PCDHGA8: variants seen among roughly 807,000 people sequenced by gnomAD.
The protein encoded by PCDHGA8 is protocadherin gamma-A8.
In PCDHGA8, 45 loss-of-function variants were observed where a neutral mutation model predicts 59.2. The ratio of observed to expected loss-of-function variants is 0.76; its 90% CI spans 0.60 to 0.98. The LOEUF is 0.98. Among genes scored for constraint, PCDHGA8 ranks in the 50% least tolerant of loss-of-function variants. The probability of loss-of-function intolerance (pLI) is 0.00; values close to 1 mark genes in which losing one functional copy is unlikely to be tolerated. For synonymous variants in PCDHGA8, 531 were observed against 519.0 expected, an observed-to-expected ratio of 1.02 and a Z score of -0.32; for missense variants, 1,257 against 1,196.2, an observed-to-expected ratio of 1.05 and a Z score of -0.75.
chr5:141,499,029 A>AAGGAAGGAAGGAAGGAAGG (rs1562187768), intron 2 of PCDHGA8, among the ~76,000 whole-genome samples: 3 of 140,076 alleles, frequency 2.1e-5, no homozygotes, highest in African/African-American at 8.3e-5. Flanking sequence ...AGGAAGGAAG[A>AAGGAAGGAAGGAAGGAAGG]AAAGAAAGAA....
At chr5:141,399,393 CAG>C (rs1335804490) in intron 1 of PCDHGA8, 1 of 1,613,976 alleles carries the variant, frequency 6.2e-7, no homozygotes, top group Non-Finnish European at 8.5e-7. Flanking sequence ...CAGCCACAGA[CAG>C]GGGCAAGCCG....
rs759809591 is a variant in PCDHGA8 at position 141,511,048 on chromosome 5, C to T, written c.2674C>T (p.Arg892Cys). The change falls in exon 4 of 4, where the codon CGC becomes TGC. Residue 892 changes from arginine (R) to cysteine (C), a missense_variant. Coordinates refer to ENST00000398604, the MANE Select transcript of PCDHGA8 (RefSeq NM_032088.2). ...QFTLQHVPDY[R>C]QNVYIPGSNA... ...CACCCTGCAGCACGTGCCCGACTAC[C>T]GCCAGAATGTCTACATCCCAGGCAG... 9 of 1,614,224 alleles carry T rather than the reference C, an allele frequency of 5.6e-6. No individual in the cohort carries two copies. The highest frequency in any genetic ancestry group is 1.7e-5 in the Admixed American group (1 of 60,034).
intron 1 of PCDHGA8, among the ~76,000 whole-genome samples, chr5:141,407,414 C>T (rs1190741475): frequency 6.6e-6 from 1 of 152,156 alleles, no homozygotes; most frequent in Non-Finnish European, 1.5e-5. Flanking sequence ...TTCGATACCA[C>T]AAAAATGTCT....
intron 1 of PCDHGA8, among the ~76,000 whole-genome samples, chr5:141,452,165 C>G (rs917431071): frequency 2.6e-5 from 4 of 152,120 alleles, no homozygotes; most frequent in African/African-American, 9.7e-5. Flanking sequence ...TATTCTATTA[C>G]TAACATTTTT....
At chr5:141,413,729 G>C (rs2095671676) in intron 1 of PCDHGA8, 1 of 1,613,378 alleles carries the variant, frequency 6.2e-7, no homozygotes, top group Non-Finnish European at 8.5e-7. Flanking sequence ...TTCTCCCTAA[G>C]AGTTCAGAGC....
At chr5:141,500,562 T>A (rs2099801387) in intron 2 of PCDHGA8, among the ~76,000 whole-genome samples, 1 of 152,202 alleles carries the variant, frequency 6.6e-6, no homozygotes, top group Admixed American at 6.5e-5. Flanking sequence ...CACAAACTTG[T>A]CACACTTTCA....
rs749415234 is a variant in PCDHGA8 at position 141,419,462 on chromosome 5, C to G, written c.2424+24225C>G. 9 of 1,612,582 alleles carry G rather than the reference C, an allele frequency of 5.6e-6. 1 individual carries two copies. The highest frequency in any genetic ancestry group is 1.7e-5 in the Admixed American group (1 of 59,984). On this transcript the variant is annotated intron_variant, in intron 1 of 3. Transcript: ENST00000398604. ...CACCTTCGAGCTCACGCTGCAGGCC[C>G]GCGACCAGGGCTCGCCCGCGCTCAG... is the stretch of plus-strand genomic sequence containing the variant.
rs2097422953 is a variant in PCDHGA8 at position 141,431,840 on chromosome 5, C to A, written c.2424+36603C>A. The A allele has an allele frequency of 1.9e-6, 3 of 1,614,248 alleles. No homozygotes were observed. The highest frequency in any genetic ancestry group is 1.6e-4 in the Middle Eastern group (1 of 6,062). ...CGCCAGCTCGGTTCCCGAAAACTCT[C>A]CCAGAGGGACATTAATTGCCCTTTT... On this transcript the variant is annotated intron_variant, in intron 1 of 3. Transcript: ENST00000398604. The surrounding 1 kb of genome is among the most constrained non-coding windows in gnomAD (Gnocchi z 4.8).
In PCDHGA8 at chr5:141,511,284, G is replaced by A; in HGVS notation, c.*111G>A. Reference sequence around the variant, plus strand: ...AGGGCTAACCCCCAGAATACTGGTAGGGGCCAAGGCCATGCTCCCCTTGGG... The same window carrying A: ...AGGGCTAACCCCCAGAATACTGGTAAGGGCCAAGGCCATGCTCCCCTTGGG... On this transcript the variant is annotated 3_prime_UTR_variant, in exon 4 of 4. Coordinates refer to ENST00000398604, the MANE Select transcript of PCDHGA8 (RefSeq NM_032088.2). 6.5e-7 allele frequency: 1 copy of A among 1,528,376 alleles called. No individual in the cohort carries two copies. The highest frequency in any genetic ancestry group is 1.4e-5 in the African/African-American group (1 of 72,796). The allele number at this position is 1,528,376 out of a possible 1,614,324, so 94.7% of individuals were successfully genotyped here.
intron 1 of PCDHGA8, chr5:141,399,976 C>CTGCGCACAGGAGAGG: frequency 1.2e-6 from 2 of 1,612,242 alleles, no homozygotes; most frequent in Non-Finnish European, 1.7e-6. Flanking sequence ...CAGCCTGGGG[C>CTGCGCACAGGAGAGG]TGCGCACAGG....
At chr5:141,478,505 T>C (rs1298083274) in intron 1 of PCDHGA8, 3 of 1,612,032 alleles carry the variant, frequency 1.9e-6, no homozygotes, top group Non-Finnish European at 2.5e-6. Context: ...TCCGGTGTTC[T>C]ATAGGCAGGT....
In PCDHGA8 at chr5:141,394,832, C is replaced by G; in HGVS notation, c.2019C>G (p.Thr673=). ...CTGACAGCATCCCCGAAGTCCTGAC[C>G]GAGTTGGGCAGTCTGAAGCCTTCGG... The part of the protein sequence containing the change: ...AVADSIPEVL[T]ELGSLKPSVD... Residue 673 remains threonine, a synonymous_variant, in exon 1 of 4, where the codon ACC becomes ACG. Transcript: ENST00000398604. The G allele has an allele frequency of 1.9e-6, 3 of 1,613,828 alleles. No individual in the cohort carries two copies. The highest frequency in any genetic ancestry group is 2.5e-6 in the Non-Finnish European group (3 of 1,179,968).
rs750804901 is a variant in PCDHGA8 at position 141,476,422 on chromosome 5, C to G, written c.2425-18385C>G. On this transcript the variant is annotated intron_variant, in intron 1 of 3. Coordinates refer to ENST00000398604, the MANE Select transcript of PCDHGA8 (RefSeq NM_032088.2). The surrounding 1 kb of genome is among the most constrained non-coding windows in gnomAD (Gnocchi z 7.6). ...GAGAGGAGCTGTGTGGGACACTGCC[C>G]TCTTGCACTGTAACTCTGGAGTTGG... 17 of 1,614,026 alleles carry G rather than the reference C, an allele frequency of 1.1e-5. No individual in the cohort carries two copies. The highest frequency in any genetic ancestry group is 1.4e-5 in the Non-Finnish European group (17 of 1,180,030).
intron 1 of PCDHGA8, chr5:141,417,116 C>A (rs1407873769): frequency 6.6e-6 from 1 of 151,954 alleles, no homozygotes; most frequent in Non-Finnish European, 1.5e-5. Context: ...ATACAGGACA[C>A]CCTGGATGAT....
chr5:141,427,798 T>A, intron 1 of PCDHGA8: 1 of 1,506,550 alleles, frequency 6.6e-7, no homozygotes. Context: ...TACGTGTCCG[T>A]GAGCGCACAG....
chr5:141,465,501 C>T (rs1044567555), intron 1 of PCDHGA8, among the ~76,000 whole-genome samples: 1 of 152,164 alleles, frequency 6.6e-6, no homozygotes, highest in Non-Finnish European at 1.5e-5. Context: ...GGAGCATTGT[C>T]GTGGTCAGGA....
intron 1 of PCDHGA8, chr5:141,479,355 A>G (rs2099493778): frequency 6.6e-6 from 1 of 152,506 alleles, no homozygotes; most frequent in Non-Finnish European, 1.5e-5. Flanking sequence ...CTTGCTGCTC[A>G]GTGCCTGAGG....
intron 1 of PCDHGA8, among the ~76,000 whole-genome samples, chr5:141,463,438 CTTTTTTTTTTTTTTTT>C (rs71576115): frequency 1.9e-5 from 2 of 103,256 alleles, no homozygotes; most frequent in African/African-American, 4.5e-5. Context: ...TTTCCTTCTC[CTTTTTTTTTTTTTTTT>C]TTTTTTTTTT....
intron 1 of PCDHGA8, among the ~76,000 whole-genome samples, chr5:141,436,221 G>C (rs1468526543): frequency 6.6e-6 from 1 of 152,004 alleles, no homozygotes; most frequent in African/African-American, 2.4e-5. Context: ...CAAATGACTT[G>C]GGAAACTAAG....
Sources: allele counts gnomAD v4.1 joint callset (sites outside exome capture counted in the v4.1 genomes callset), GRCh38; gene constraint gnomAD v4.1.1; non-coding constraint Gnocchi (gnomAD v3.1); transcripts MANE v1.5; gene names NCBI Gene and HGNC (gene_info 2026-07-23, HGNC 2026-07-21).